The following RIF1 variants were observed in gnomAD, a reference collection of about 807,000 sequenced individuals.
RIF1 encodes the protein replication timing regulatory factor 1.
Under a neutral mutation model 247.1 loss-of-function variants are expected in RIF1, and 45 were observed. The ratio of observed to expected loss-of-function variants is 0.18; its 90% CI spans 0.14 to 0.23. The LOEUF (loss-of-function observed/expected upper bound fraction) is 0.23, where lower values mean the gene tolerates loss of function less well. Ranked by LOEUF, RIF1 falls within the 10% of genes least tolerant of loss-of-function variation. The pLI is 1.00. For synonymous variants in RIF1, 1,087 were observed against 978.8 expected, an observed-to-expected ratio of 1.11 and a Z score of -2.06; for missense variants, 2,967 against 2,862.5, an observed-to-expected ratio of 1.04 and a Z score of -0.83.
At position 151,443,597 on chromosome 2, in the gene RIF1, G is replaced by A. The variant is rs754143151; in HGVS notation, c.1874G>A (p.Ser625Asn). Residue 625 changes from serine (S) to asparagine (N), a missense_variant, in exon 18 of 36, where the codon AGT becomes AAT. Ser to Asn is a conservative substitution (Grantham distance 46). Transcript: ENST00000444746. ...LSGPTSPLAF[S>N]DSVLNVINQN... is the part of the protein sequence containing the mutation. ...GGTCCAACTTCACCACTAGCTTTCA[G>A]TGACTCAGTTTTAAATGTTATTAAT... 6.2e-7 allele frequency: 1 copy of A among 1,612,444 alleles called. No homozygotes were observed. The highest frequency in any genetic ancestry group is 8.5e-7 in the Non-Finnish European group (1 of 1,179,478).
chr2:151,493,678 C>A, intron 9 of RIF1: 1 of 1,047,578 alleles, frequency 9.5e-7, no homozygotes, highest in East Asian at 2.6e-5. Flanking sequence ...TAAAGATACA[C>A]AAAAGTTTTG....
chr2:151,463,009 A>G lies in RIF1; in HGVS notation c.3489A>G (p.Pro1163=). Residue 1163 remains proline (P), a synonymous_variant, in exon 30 of 36, where the codon CCA becomes CCG. Transcript: ENST00000444746. ...GTGGTTCTCTTGACAAAACCAGTCC[A>G]GAAATGTCAAACAGTAATAATGATG... ...NECGSLDKTS[P]EMSNSNNDER... 6.2e-7 allele frequency: 1 copy of G among 1,613,994 alleles called. No individual in the cohort carries two copies. Among genetic ancestry groups the G allele is most frequent in the Non-Finnish European group, 8.5e-7 (1 of 1,179,848 alleles).
chr2:151,508,053 G>A, downstream of RIF1: 3 of 1,611,152 alleles, frequency 1.9e-6, no homozygotes, highest in Non-Finnish European at 2.5e-6. Context: ...TCTCTGGGGT[G>A]TCCAAAACAG....
At chr2:151,527,358 T>A in the RIF1 span, 1 of 833,798 alleles carries the variant, frequency 1.2e-6, no homozygotes. Flanking sequence ...CATCCTCCTC[T>A]CCTTCTCGGA....
chr2:151,499,508 C>G (rs2062832310), exon 11 of RIF1: 1 of 645,240 alleles, frequency 1.5e-6, no homozygotes. Flanking sequence ...ACAGATTCAA[C>G]AAGTCAACCT....
In RIF1 at chr2:151,438,750, A is replaced by G. The variant is rs753973352; in HGVS notation, c.1546+4A>G. ...GTGAAGTCAGTTACTGAATCAGGTA[A>G]GCACTATTACACTGATCAAATGTTG... On this transcript the variant is annotated splice_donor_region_variant and intron_variant, in intron 14 of 35. Transcript: ENST00000444746. 2.5e-6 allele frequency: 4 copies of G among 1,597,588 alleles called. No individual in the cohort carries two copies. The highest frequency in any genetic ancestry group is 2.6e-6 in the Non-Finnish European group (3 of 1,165,010).
At chr2:151,514,953 A>C in the RIF1 span, 1 of 1,436,440 alleles carries the variant, frequency 7.0e-7, no homozygotes, top group South Asian at 1.3e-5. Flanking sequence ...AAGGAAAGAC[A>C]AGTTAAAAAA....
chr2:151,505,879 A>C (rs2068466882), intron 12 of RIF1: 1 of 544,634 alleles, frequency 1.8e-6, no homozygotes, highest in Non-Finnish European at 3.3e-6. Context: ...TAGGATAAAC[A>C]GATTGACATA....
intron 2 of RIF1, among the ~76,000 whole-genome samples, chr2:151,410,880 G>GCAAT (rs1464160862): frequency 6.6e-6 from 1 of 151,824 alleles, no homozygotes; most frequent in African/African-American, 2.4e-5. Flanking sequence ...TTTTAACAGA[G>GCAAT]CAATACACTG....
At chr2:151,498,142 A>C (rs949224908) in intron 10 of RIF1, 4 of 1,528,892 alleles carry the variant, frequency 2.6e-6, no homozygotes, top group Non-Finnish European at 3.5e-6. Flanking sequence ...TCCTTTTGTA[A>C]TATAAGATGT....
rs530555769 is a variant in RIF1, at chr2:151,480,858, C to T, written c.*5787C>T. ...AGAAACTGAAGGATGGCAGTCTTAA[C>T]TCCTAAGTTTTTTACAGAGCACAGA... On this transcript the variant is annotated 3_prime_UTR_variant, in exon 36 of 36. Coordinates refer to ENST00000444746, the MANE Select transcript of RIF1 (RefSeq NM_018151.5). The T allele has an allele frequency of 6.6e-6, 1 of 152,262 alleles. No homozygotes were observed. The highest frequency in any genetic ancestry group is 2.1e-4 in the South Asian group (1 of 4,822). 9.4% of individuals were successfully genotyped at this position (152,262 alleles called of 1,614,324 possible).
rs540057492 is a variant in RIF1, at chr2:151,463,759, C to T, written c.4239C>T (p.Thr1413=). 21 of 1,613,576 alleles carry T rather than the reference C, an allele frequency of 1.3e-5. No individual in the cohort carries two copies. In the African/African-American group the frequency reaches 2.4e-4, roughly 18 times the overall value. ...SQVQITPNQK[T]LRRSSRRRSE... The stretch of plus-strand genomic sequence containing the variant: ...TTCAGATAACTCCAAATCAGAAAAC[C>T]CTTAGACGGTCTTCAAGGCGACGTT... The change falls in exon 30 of 36, where the codon ACC becomes ACT. Residue 1413 remains threonine, a synonymous_variant. Transcript: ENST00000444746.
chr2:151,464,124 G>A lies in RIF1; in HGVS notation c.4604G>A (p.Arg1535Gln), dbSNP rs756384489. Residue 1535 changes from arginine (R) to glutamine (Q), a missense_variant, in exon 30 of 36, where the codon CGG becomes CAG. Around this residue, in one of 7 missense-constraint regions of RIF1, gnomAD observed 2,028 missense variants for 1,825.6 expected, o/e 1.11. Coordinates refer to ENST00000444746, the MANE Select transcript of RIF1 (RefSeq NM_018151.5). ...GAGAAACTAGTCAGAGGCCGAACAC[G>A]GTATCAAACTAGAAGAGCATCTCAG... ...SSEKLVRGRT[R>Q]YQTRRASQGL... is the part of the protein sequence containing the mutation. 3.7e-6 allele frequency: 6 copies of A among 1,611,900 alleles called. No homozygotes were observed. Among genetic ancestry groups the A allele is most frequent in the Admixed American group, 1.7e-5 (1 of 59,552 alleles).
Position 151,454,925 on chromosome 2 carries a change from A to G in RIF1, c.2375A>G (p.Lys792Arg). ...CAGAGACCTTCAGATTGGTCCAAAA[A>G]GAAGAATGAGCCCCTAGGGAAATTG... is the stretch of plus-strand genomic sequence containing the variant. The part of the protein sequence containing the change: ...SPQRPSDWSK[K>R]KNEPLGKLTS... Residue 792 changes from lysine (K) to arginine (R), a missense_variant, in exon 22 of 36, where the codon AAG becomes AGG. Transcript: ENST00000444746. 6.2e-7 allele frequency: 1 copy of G among 1,610,454 alleles called. No homozygotes were observed. The highest frequency in any genetic ancestry group is 8.5e-7 in the Non-Finnish European group (1 of 1,178,058).
chr2:151,457,976 C>T lies in RIF1; in HGVS notation c.2855+13C>T, dbSNP rs1445424098. The T allele has an allele frequency of 5.0e-6, 8 of 1,586,850 alleles. No homozygotes were observed. Among genetic ancestry groups the T allele is most frequent in the Non-Finnish European group, 6.9e-6 (8 of 1,155,904 alleles). On this transcript the variant is annotated intron_variant, in intron 24 of 35. Coordinates refer to ENST00000444746, the MANE Select transcript of RIF1 (RefSeq NM_018151.5). ...CTGAAGAGTTAAAGTATGCTAACAA[C>T]AAAACTTATATACAACTAACTATTC... is the stretch of plus-strand genomic sequence containing the variant.
intron 11 of RIF1, 144 bp downstream of exon 11, chr2:151,435,724 G>T: frequency 3.6e-6 from 2 of 550,810 alleles, no homozygotes; most frequent in East Asian, 2.8e-5. Flanking sequence ...ATAATTTTTA[G>T]GTTCATTACC....
intron 20 of RIF1, among the ~76,000 whole-genome samples, chr2:151,449,205 C>G (rs945809663): frequency 1.3e-5 from 2 of 152,124 alleles, no homozygotes; most frequent in Admixed American, 6.5e-5. Context: ...TGTATTGAAT[C>G]ATGTGTTTTT....
chr2:151,512,678 C>T, downstream of RIF1: 1 of 1,238,850 alleles, frequency 8.1e-7, no homozygotes, highest in Non-Finnish European at 1.2e-6. Flanking sequence ...AATGGAAGGA[C>T]TTCCATTCTT....
Position 151,438,534 on chromosome 2 carries a change from C to G in RIF1, c.1484-150C>G, listed in dbSNP as rs1450272711. On this transcript the variant is annotated intron_variant, in intron 13 of 35. Transcript: ENST00000444746. ...AAACGAAGTGATAGTGTTTTATAAA[C>G]TTACTACAGGGTTGAGTATCATGAG... 5.0e-6 allele frequency: 3 copies of G among 601,648 alleles called. No individual in the cohort carries two copies. In the African/African-American group the frequency reaches 5.6e-5, roughly 11 times the overall value. The allele number at this position is 601,648 out of a possible 1,614,324, so 37.3% of individuals were successfully genotyped here. A position where few individuals can be genotyped will look rare whatever the true frequency, so the allele number is the denominator to read the frequency against.
Sources: gnomAD v4.1 joint callset for allele counts (sites outside exome capture counted in the v4.1 genomes callset) on GRCh38, gnomAD v4.1.1 for gene constraint, gnomAD v4.1.1 regional missense constraint, MANE v1.5 for transcripts, NCBI Gene and HGNC (gene_info 2026-07-23, HGNC 2026-07-21) for gene names.